Variants in WWOX observed in about 807,000 individuals in gnomAD.
WWOX encodes the protein WW domain-containing oxidoreductase.
In WWOX, 69 loss-of-function variants were observed where a neutral mutation model predicts 46.2. The ratio of observed to expected loss-of-function variants is 1.49; its 90% CI spans 1.23 to 1.82. WWOX has a LOEUF of 1.82. Among genes scored for constraint, WWOX ranks in the 40% most tolerant of loss-of-function variants. The pLI, the probability that WWOX is intolerant of heterozygous loss-of-function variation, is 0.00. For synonymous variants in WWOX, 359 were observed against 202.6 expected (o/e 1.77, Z -6.56); for missense variants, 919 against 542.6 (o/e 1.69, Z -6.89).
At chr16:78,890,861 T>C (rs926192899) in intron 8 of WWOX, 2 of 152,228 alleles carry the variant, frequency 1.3e-5, no homozygotes, top group African/African-American at 4.8e-5. Flanking sequence ...ATAGCTATTA[T>C]TATAAAGACT....
At chr16:79,068,044 A>C (rs2048474719) in intron 8 of WWOX, among the ~76,000 whole-genome samples, 1 of 151,890 alleles carries the variant, frequency 6.6e-6, no homozygotes, top group Non-Finnish European at 1.5e-5. Context: ...GGCCATGGTC[A>C]GTCTTTGGGG....
chr16:79,211,978 T>TA lies in WWOX; in HGVS notation c.*185dup. 1 of 1,536,214 alleles carries TA rather than the reference T, an allele frequency of 6.5e-7. No individual in the cohort carries two copies. ...AATGGGAAGCAGGGAATTCCTGGGGTAAAGTATCACTTTTCTGGGGCTGGG... is the reference window on the plus strand; with the variant it reads ...AATGGGAAGCAGGGAATTCCTGGGGTAAAAGTATCACTTTTCTGGGGCTGGG... On this transcript the variant is annotated 3_prime_UTR_variant, in exon 9 of 9. Coordinates refer to ENST00000566780, the MANE Select transcript of WWOX (RefSeq NM_016373.4).
intron 3 of WWOX, among the ~76,000 whole-genome samples, chr16:78,111,651 C>G (rs979288628): frequency 6.6e-6 from 1 of 152,172 alleles, no homozygotes; most frequent in South Asian, 2.1e-4. Context: ...CAGGCCTGCC[C>G]ACAGTCATCC....
chr16:78,770,308 A>T (rs1018352689), intron 8 of WWOX, among the ~76,000 whole-genome samples: 1 of 152,094 alleles, frequency 6.6e-6, no homozygotes, highest in African/African-American at 2.4e-5. Context: ...CTTAGATTGC[A>T]CCACTGTACT....
chr16:78,655,073 C>T (rs983934288), intron 8 of WWOX, among the ~76,000 whole-genome samples: 19 of 152,114 alleles, frequency 1.2e-4, no homozygotes, highest in African/African-American at 4.6e-4. Flanking sequence ...GTGACCTTCT[C>T]ACCTGGCCTG....
At chr16:78,554,152 G>A (rs1454451631) in intron 8 of WWOX, among the ~76,000 whole-genome samples, 1 of 152,178 alleles carries the variant, frequency 6.6e-6, no homozygotes, top group Admixed American at 6.5e-5. Flanking sequence ...GCAGAAAAGT[G>A]CTGAAGGTGG....
At chr16:78,529,019 T>A (rs2043554739) in intron 8 of WWOX, among the ~76,000 whole-genome samples, 1 of 151,152 alleles carries the variant, frequency 6.6e-6, no homozygotes, top group Non-Finnish European at 1.5e-5. Flanking sequence ...AGTGGCACGA[T>A]CTTGGCTTAC....
chr16:79,000,524 C>T (rs1349267017), intron 8 of WWOX, among the ~76,000 whole-genome samples: 1 of 152,054 alleles, frequency 6.6e-6, no homozygotes, highest in Non-Finnish European at 1.5e-5. Flanking sequence ...GAGGACTTGG[C>T]CTGATGTTAC....
intron 8 of WWOX, among the ~76,000 whole-genome samples, chr16:78,989,948 CG>C (rs2046853594): frequency 6.6e-6 from 1 of 151,226 alleles, no homozygotes; most frequent in Non-Finnish European, 1.5e-5. Context: ...TTTGGGAGGC[CG>C]GGGCGAGCAA....
chr16:79,082,490 A>T (rs1224425066), intron 8 of WWOX, among the ~76,000 whole-genome samples: 2 of 152,158 alleles, frequency 1.3e-5, no homozygotes. Flanking sequence ...TTATAGACCT[A>T]TGGAGATGTT....
At chr16:78,269,401 C>T (rs901982773) in intron 5 of WWOX, among the ~76,000 whole-genome samples, 2 of 152,172 alleles carry the variant, frequency 1.3e-5, no homozygotes, top group African/African-American at 2.4e-5. Flanking sequence ...GCTCTGTGAG[C>T]AGCTGCCACA....
intron 8 of WWOX, among the ~76,000 whole-genome samples, chr16:78,457,909 CAAA>C (rs57956003): frequency 5.7e-5 from 5 of 86,986 alleles, no homozygotes; most frequent in Admixed American, 1.2e-4. Context: ...GACTCTGACT[CAAA>C]AAAAAAAAAA....
chr16:78,796,787 G>T (rs1385880949), intron 8 of WWOX, among the ~76,000 whole-genome samples: 2 of 151,728 alleles, frequency 1.3e-5, no homozygotes, highest in East Asian at 3.9e-4. Context: ...GCTCTGGCTG[G>T]TCAGTAAGAA....
At chr16:78,901,081 T>C (rs868301634) in intron 8 of WWOX, among the ~76,000 whole-genome samples, 1 of 152,210 alleles carries the variant, frequency 6.6e-6, no homozygotes, top group African/African-American at 2.4e-5. Flanking sequence ...TGCACACATC[T>C]AGAAGTTCCG....
intron 3 of WWOX, among the ~76,000 whole-genome samples, chr16:78,111,024 G>A (rs939599978): frequency 2.0e-5 from 3 of 150,908 alleles, no homozygotes; most frequent in East Asian, 1.9e-4. Context: ...TTTTTTTAAA[G>A]TTATGAATGT....
chr16:78,455,452 C>A (rs146124057), intron 8 of WWOX, among the ~76,000 whole-genome samples: 1 of 151,530 alleles, frequency 6.6e-6, no homozygotes, highest in Non-Finnish European at 1.5e-5. Flanking sequence ...ACCAGCCTGG[C>A]CAAAATGGTG....
chr16:78,636,620 A>G (rs2046578254), intron 8 of WWOX, among the ~76,000 whole-genome samples: 1 of 152,150 alleles, frequency 6.6e-6, no homozygotes, highest in East Asian at 1.9e-4. Context: ...TTTAAAACTG[A>G]TAATTAATGG....
At position 78,318,625 on chromosome 16, in the gene WWOX, G is replaced by A. The variant is rs142939530; in HGVS notation, c.517-68235G>A. ...TTTTCTCAGTTGTAGAATGGGAATA[G>A]TACCCACCTTATAGGCTTGCTGTGG... is the stretch of plus-strand genomic sequence containing the variant. On this transcript the variant is annotated intron_variant, in intron 5 of 8. Transcript: ENST00000566780. 2.1e-3 allele frequency among the ~76,000 whole-genome samples: 318 copies of A among 152,254 alleles called. 3 individuals are homozygous for A. The highest frequency in any genetic ancestry group is 7.3e-3 in the African/African-American group (302 of 41,550).
chr16:78,804,455 G>A (rs543641979), intron 8 of WWOX, among the ~76,000 whole-genome samples: 2 of 152,026 alleles, frequency 1.3e-5, no homozygotes, highest in Admixed American at 1.3e-4. Flanking sequence ...GAAATGATGA[G>A]AAAAGACTTT....
Sources: allele counts gnomAD v4.1 joint callset (sites outside exome capture counted in the v4.1 genomes callset), GRCh38; gene constraint gnomAD v4.1.1; transcripts MANE v1.5; gene names NCBI Gene and HGNC (gene_info 2026-07-23, HGNC 2026-07-21).